ZP2: variants seen among roughly 807,000 people sequenced by gnomAD.
ZP2 encodes zona pellucida glycoprotein 2.
A neutral mutation model predicts 84.0 loss-of-function variants in ZP2; 51 were observed. The ratio of observed to expected loss-of-function variants is 0.61; its 90% CI spans 0.49 to 0.77. The LOEUF is 0.77. ZP2 is among the 30% of genes least tolerant of loss of function. ZP2 has a pLI of 0.00. For missense variants in ZP2, 909 were observed against 911.9 expected (o/e 1.00, Z 0.04); for synonymous variants, 375 against 330.9 (o/e 1.13, Z -1.45).
intron 14 of ZP2, among the ~76,000 whole-genome samples, chr16:21,200,949 A>T (rs913977912): frequency 2.2e-4 from 34 of 152,186 alleles, no homozygotes; most frequent in Admixed American, 6.5e-4. Flanking sequence ...CTGTAATCCC[A>T]GTACTTTGGG....
At chr16:21,210,007 G>T in intron 3 of ZP2, 102 bp downstream of exon 3, 1 of 1,055,390 alleles carries the variant, frequency 9.5e-7, no homozygotes, top group Non-Finnish European at 1.5e-6. Context: ...GTTGGATGCC[G>T]TTGCTGCAGG....
At position 21,205,394 on chromosome 16, in the gene ZP2, G is replaced by A. The variant is rs140229428; in HGVS notation, c.693+26C>T. On this transcript the variant is annotated intron_variant, in intron 7 of 18. Coordinates refer to ENST00000574091, the MANE Select transcript of ZP2 (RefSeq NM_001376232.1). ...AGGAATACTGGCCTGTGCTTTGGTG[G>A]TACAAAGCCAGACTTCCACACCTAC... is the stretch of plus-strand genomic sequence containing the variant. 7,803 of 1,610,450 alleles carry A rather than the reference G, an allele frequency of 4.8e-3. 38 individuals are homozygous for A. The highest frequency in any genetic ancestry group is 6.1e-3 in the Non-Finnish European group (7,173 of 1,177,894).
chr16:21,209,421 A>G (rs971357449), intron 4 of ZP2, among the ~76,000 whole-genome samples: 3 of 152,212 alleles, frequency 2.0e-5, no homozygotes, highest in Non-Finnish European at 4.4e-5. Flanking sequence ...CACCCGTCTC[A>G]GCCTCCTAAA....
At chr16:21,213,671 G>A (rs2093282533), upstream of ZP2, among the ~76,000 whole-genome samples, 1 of 152,178 alleles carries the variant, frequency 6.6e-6, no homozygotes, top group Non-Finnish European at 1.5e-5. Context: ...AATCTGTGGT[G>A]GCCAGTGGTT....
chr16:21,201,035 C>T (rs908849907), intron 14 of ZP2, among the ~76,000 whole-genome samples: 2 of 152,096 alleles, frequency 1.3e-5, no homozygotes, highest in African/African-American at 4.8e-5. Flanking sequence ...CCTGTCTCTA[C>T]TAAGATAGCA....
chr16:21,200,662 C>T (rs142260360), intron 14 of ZP2, among the ~76,000 whole-genome samples: 26 of 152,346 alleles, frequency 1.7e-4, no homozygotes, highest in African/African-American at 5.8e-4. Context: ...TATTCTAATA[C>T]AAGCTCCATT....
At chr16:21,209,858 G>T in intron 3 of ZP2, 133 bp from the exon 4 acceptor site, 1 of 810,504 alleles carries the variant, frequency 1.2e-6, no homozygotes, top group Non-Finnish European at 2.0e-6. Context: ...CTCAGTGATA[G>T]AACTTGAGCT....
At chr16:21,206,736 A>G in intron 5 of ZP2, 102 bp downstream of exon 5, 1 of 1,459,274 alleles carries the variant, frequency 6.9e-7, no homozygotes, top group Non-Finnish European at 9.4e-7. Flanking sequence ...CAAGTACAGG[A>G]TTAAATCATG....
At chr16:21,209,901 C>A in intron 3 of ZP2, 176 bp from the exon 4 acceptor site, 1 of 701,944 alleles carries the variant, frequency 1.4e-6, no homozygotes, top group Non-Finnish European at 2.4e-6. Context: ...CAGAGGCTTC[C>A]CAGAGATGCT....
upstream of ZP2, among the ~76,000 whole-genome samples, chr16:21,212,776 G>A (rs2093279846): frequency 3.3e-5 from 5 of 152,172 alleles, no homozygotes; most frequent in Admixed American, 2.6e-4. Flanking sequence ...TTATATTGTT[G>A]TAAAGCACTT....
intron 16 of ZP2, among the ~76,000 whole-genome samples, 157 bp from the exon 17 acceptor site, chr16:21,199,019 G>T (rs1182115321): frequency 1.3e-5 from 2 of 152,118 alleles, no homozygotes; most frequent in East Asian, 3.9e-4. Context: ...TGTAGAAGTG[G>T]GATGGATTCT....
At chr16:21,198,968 G>T in intron 16 of ZP2, 106 bp from the exon 17 acceptor site, 1 of 1,063,854 alleles carries the variant, frequency 9.4e-7, no homozygotes, top group Non-Finnish European at 1.4e-6. Context: ...TTTTGTTCAT[G>T]TGGTTTGTCT....
intron 5 of ZP2, among the ~76,000 whole-genome samples, chr16:21,206,389 T>C (rs1178470253): frequency 6.6e-6 from 1 of 152,222 alleles, no homozygotes; most frequent in Non-Finnish European, 1.5e-5. Context: ...TGTTATTGAG[T>C]TGCTTTTATG....
At chr16:21,205,210 C>G (rs1275438696) in intron 7 of ZP2, among the ~76,000 whole-genome samples, 1 of 152,162 alleles carries the variant, frequency 6.6e-6, no homozygotes, top group East Asian at 1.9e-4. Flanking sequence ...CCGGGCTGGT[C>G]TTGAACTCCT....
intron 1 of ZP2, 30 bp from the exon 2 acceptor site, chr16:21,211,425 A>G: frequency 6.2e-7 from 1 of 1,614,108 alleles, no homozygotes; most frequent in Non-Finnish European, 8.5e-7. Context: ...TAGTCAAGGA[A>G]GAATGGACTT....
Position 21,210,179 on chromosome 16 carries a change from G to T in ZP2, c.165C>A (p.Cys55Ter), listed in dbSNP as rs200172756. 1.2e-6 allele frequency: 2 copies of T among 1,613,792 alleles called. No homozygotes were observed. Among genetic ancestry groups the T allele is most frequent in the South Asian group, 1.1e-5 (1 of 91,068 alleles). ...ACTCCACTGTTATTTCCCTTTCATC[G>T]CAAGTGACAGTGCCTAAGGAGCAAA... ...VNPAFPGTVT[C>*]DEREITVEFP... Residue 55 changes from cysteine to a stop codon, truncating the protein, a stop_gained, in exon 3 of 19, where the codon TGC becomes TGA. Coordinates refer to ENST00000574091, the MANE Select transcript of ZP2 (RefSeq NM_001376232.1). LOFTEE classifies it high-confidence loss of function.
chr16:21,205,792 G>T lies in ZP2; in HGVS notation c.484-17C>A, dbSNP rs767084649. ...CAAGGAAAACTGGAAGAAAAGAATTGTGATGTAAGACTTTGATTTGGAGGT... is the reference window on the plus strand; with the variant it reads ...CAAGGAAAACTGGAAGAAAAGAATTTTGATGTAAGACTTTGATTTGGAGGT... On this transcript the variant is annotated splice_polypyrimidine_tract_variant and intron_variant, in intron 5 of 18. Transcript: ENST00000574091. 35 of 1,613,458 alleles carry T rather than the reference G, an allele frequency of 2.2e-5. No individual in the cohort carries two copies. Among genetic ancestry groups the T allele is most frequent in the Non-Finnish European group, 3.0e-5 (35 of 1,179,640 alleles).
chr16:21,205,616 G>T, intron 6 of ZP2, 32 bp from the exon 7 acceptor site: 1 of 1,613,456 alleles, frequency 6.2e-7, no homozygotes, highest in Non-Finnish European at 8.5e-7. Flanking sequence ...TAGAGGGCTG[G>T]TGCTCCCTTA....
chr16:21,203,587 G>C (rs1424156251), intron 9 of ZP2, among the ~76,000 whole-genome samples: 1 of 152,164 alleles, frequency 6.6e-6, no homozygotes, highest in Non-Finnish European at 1.5e-5. Context: ...GTTATAAAAT[G>C]GTATTGCATA....
Sources: gnomAD v4.1 joint callset for allele counts (sites outside exome capture counted in the v4.1 genomes callset) on GRCh38, gnomAD v4.1.1 for gene constraint, MANE v1.5 for transcripts, NCBI Gene and HGNC (gene_info 2026-07-23, HGNC 2026-07-21) for gene names.